The following DMD variants were observed in gnomAD, a reference collection of about 807,000 sequenced individuals.
DMD encodes dystrophin.
In DMD, 63 loss-of-function variants were observed where a neutral mutation model predicts 330.1. That is an observed-to-expected ratio of 0.19 (90% confidence interval 0.16 to 0.24). DMD has a LOEUF of 0.24. DMD is among the 10% of genes least tolerant of loss of function. DMD has a pLI of 1.00. For synonymous variants in DMD, 1,223 were observed against 959.8 expected (o/e 1.27, Z -5.07); for missense variants, 3,344 against 2,684.1 (o/e 1.25, Z -5.43).
At chrX:31,947,871 C>G (rs774090391) in intron 45 of DMD, among the ~76,000 whole-genome samples, 1 of 75,030 alleles carries the variant, frequency 1.3e-5, no homozygotes, top group Non-Finnish European at 2.6e-5. Flanking sequence ...CCTTCTCCTT[C>G]TTCTTCTTCT....
intron 61 of DMD, among the ~76,000 whole-genome samples, chrX:31,338,309 C>CAAAAAAAAAAA (rs752828727): frequency 2.2e-4 from 12 of 53,362 alleles, no homozygotes; most frequent in African/African-American, 3.7e-4. Context: ...AGTAAAAATA[C>CAAAAAAAAAAA]AAAAAAAAAA....
intron 44 of DMD, among the ~76,000 whole-genome samples, chrX:32,030,257 A>C (rs1433726774): frequency 8.9e-6 from 1 of 112,187 alleles, no homozygotes; most frequent in Non-Finnish European, 1.9e-5. Flanking sequence ...TGTGTGATCT[A>C]TATCCACCAT....
rs144856177 is a variant in DMD at position 32,261,555 on chromosome X, G to T, written c.6290+25974C>A. On this transcript the variant is annotated intron_variant, in intron 43 of 78. Transcript: ENST00000357033. ...AGTCACAGGTTATAGGAATCAAAGT[G>T]GTGGTGCTATTGACTTGGTAAATTT... Among the ~76,000 whole-genome samples, 379 of 112,026 alleles carry T rather than the reference G, an allele frequency of 3.4e-3. 2 individuals carry two copies. Among genetic ancestry groups the T allele is most frequent in the Non-Finnish European group, 4.9e-3 (259 of 53,162 alleles).
rs774562228 is a variant in DMD, at chrX:32,484,999, T to C, written c.2723A>G (p.Asp908Gly). The change falls in exon 21 of 79, where the codon GAT (aspartate) becomes GGT (glycine). Residue 908 changes from aspartate (D) to glycine (G), a missense_variant. Transcript: ENST00000357033. Reference sequence around the variant, plus strand: ...ATTTGTAAAGGCCACAAAGTCTGCATCCAGGAACATGGGTCCTTGTCCTTT... The same window carrying C: ...ATTTGTAAAGGCCACAAAGTCTGCACCCAGGAACATGGGTCCTTGTCCTTT... ...KEKGQGPMFL[D>G]ADFVAFTNHF... 8.3e-7 allele frequency: 1 copy of C among 1,209,777 alleles called. No individual in the cohort carries two copies. Among genetic ancestry groups the C allele is most frequent in the Non-Finnish European group, 1.1e-6 (1 of 894,987 alleles).
intron 21 of DMD, among the ~76,000 whole-genome samples, chrX:32,479,428 TC>T (rs1478484731): frequency 9.0e-6 from 1 of 111,070 alleles, no homozygotes; most frequent in Non-Finnish European, 1.9e-5. Flanking sequence ...ACCTTCCCTT[TC>T]CCAACCTTCC....
chrX:31,879,610 T>C (rs2094027288), intron 47 of DMD, among the ~76,000 whole-genome samples: 1 of 112,400 alleles, frequency 8.9e-6, no homozygotes, highest in Non-Finnish European at 1.9e-5. Context: ...TCTAAAGCCA[T>C]CAGTGAAAAA....
intron 59 of DMD, among the ~76,000 whole-genome samples, chrX:31,468,254 T>C (rs2067006126): frequency 8.9e-6 from 1 of 112,288 alleles, no homozygotes; most frequent in Non-Finnish European, 1.9e-5. Flanking sequence ...TTAATTGTGA[T>C]GTTAAGGTGT....
chrX:32,703,708 T>A (rs2064340884), intron 7 of DMD, among the ~76,000 whole-genome samples: 1 of 111,468 alleles, frequency 9.0e-6, no homozygotes, highest in Non-Finnish European at 1.9e-5. Context: ...GTTAAGAAAC[T>A]CAATACAGAG....
At chrX:32,369,047 G>T (rs1049881677) in intron 34 of DMD, among the ~76,000 whole-genome samples, 10 of 111,045 alleles carry the variant, frequency 9.0e-5, no homozygotes, top group African/African-American at 3.3e-4. Context: ...TATATACTTG[G>T]CACTAAGGGT....
chrX:31,604,314 G>A (rs766904612), intron 55 of DMD, among the ~76,000 whole-genome samples: 32 of 111,364 alleles, frequency 2.9e-4, no homozygotes, highest in Admixed American at 7.7e-4. Flanking sequence ...CTATCTCCAT[G>A]GGCTTATTTT....
intron 44 of DMD, among the ~76,000 whole-genome samples, chrX:32,190,786 T>C (rs2096972003): frequency 9.2e-6 from 1 of 109,125 alleles, no homozygotes; most frequent in African/African-American, 3.3e-5. Context: ...ATGTTTTAAC[T>C]GGCTCTTCAA....
At chrX:32,878,437 A>G (rs187649348) in intron 2 of DMD, among the ~76,000 whole-genome samples, 37 of 112,070 alleles carry the variant, frequency 3.3e-4, no homozygotes, top group Non-Finnish European at 5.6e-4. Context: ...ACAGAATGTT[A>G]GAGTTCAAAC....
At chrX:31,178,841 C>G (rs1298310321) in intron 69 of DMD, 36 bp from the exon 70 acceptor site, 1 of 1,199,920 alleles carries the variant, frequency 8.3e-7, no homozygotes, top group Admixed American at 2.2e-5. Context: ...AGATTTAGGA[C>G]AGGATGATTT....
chrX:31,895,508 T>C (rs2094319496), intron 47 of DMD, among the ~76,000 whole-genome samples: 1 of 112,174 alleles, frequency 8.9e-6, no homozygotes, highest in Non-Finnish European at 1.9e-5. Context: ...GGATCCTAGT[T>C]ATGACTGGAA....
chrX:33,146,449 T>C (rs2048036037), intron 1 of DMD, among the ~76,000 whole-genome samples: 1 of 112,082 alleles, frequency 8.9e-6, no homozygotes, highest in Non-Finnish European at 1.9e-5. Flanking sequence ...CAGGGTTAGC[T>C]GCTTTATATT....
intron 48 of DMD, among the ~76,000 whole-genome samples, chrX:31,861,828 C>T (rs1241269532): frequency 1.0e-5 from 1 of 99,779 alleles, no homozygotes; most frequent in East Asian, 3.3e-4. Context: ...TTCCTTCTGC[C>T]CTCGCCAAGC....
At chrX:31,169,307 G>A (rs1297895610) in intron 74 of DMD, 136 bp downstream of exon 74, 2 of 469,235 alleles carry the variant, frequency 4.3e-6, no homozygotes, top group African/African-American at 5.0e-5. Context: ...GAGAGAATCT[G>A]CAAATGGAGC....
chrX:31,230,893 G>A (rs2047131744), intron 63 of DMD, among the ~76,000 whole-genome samples: 1 of 111,961 alleles, frequency 8.9e-6, no homozygotes, highest in African/African-American at 3.2e-5. Context: ...TAATGGCAGA[G>A]TTGAAATTCA....
chrX:31,817,921 C>T (rs1417067045), intron 50 of DMD, among the ~76,000 whole-genome samples: 1 of 111,977 alleles, frequency 8.9e-6, no homozygotes, highest in Admixed American at 9.5e-5. Flanking sequence ...ACACCAGGCT[C>T]ACTTCCTCAC....
Sources: allele counts gnomAD v4.1 joint callset (sites outside exome capture counted in the v4.1 genomes callset), GRCh38; gene constraint gnomAD v4.1.1; transcripts MANE v1.5; gene names NCBI Gene and HGNC (gene_info 2026-07-23, HGNC 2026-07-21).